Variants in ZMYM2 observed in about 807,000 individuals in gnomAD.
The protein encoded by ZMYM2 is zinc finger MYM-type protein 2.
In ZMYM2, 56 loss-of-function variants were observed where a neutral mutation model predicts 162.8. That is an observed-to-expected ratio of 0.34 (90% CI 0.28 to 0.43). The LOEUF (loss-of-function observed/expected upper bound fraction) is 0.43. Among genes scored for constraint, ZMYM2 ranks in the 20% least tolerant of loss-of-function variants. The pLI, the probability that ZMYM2 is intolerant of heterozygous loss-of-function variation, is 1.00. For synonymous variants in ZMYM2, 510 were observed against 541.6 expected (o/e 0.94, Z 0.81); for missense variants, 1,275 against 1,621.8 (o/e 0.79, Z 3.67).
the ZMYM2 span, among the ~76,000 whole-genome samples, chr13:19,929,186 A>G: frequency 6.6e-6 from 1 of 151,862 alleles, no homozygotes. Flanking sequence ...TTTCTTTCCA[A>G]TTTTTAATGT....
the ZMYM2 span, among the ~76,000 whole-genome samples, chr13:19,875,946 T>C: frequency 0.013 from 1,960 of 151,836 alleles, 21 homozygotes; most frequent in Non-Finnish European, 0.022. Context: ...ATATCCTAAA[T>C]GAAACAAACC....
chr13:20,017,280 T>C (rs1951706112), intron 6 of ZMYM2, among the ~76,000 whole-genome samples: 1 of 152,240 alleles, frequency 6.6e-6, no homozygotes, highest in African/African-American at 2.4e-5. Flanking sequence ...ATTGGCCTTT[T>C]CTTGTGTGAA....
At chr13:19,911,571 C>A in the ZMYM2 span, among the ~76,000 whole-genome samples, 1 of 152,156 alleles carries the variant, frequency 6.6e-6, no homozygotes, top group South Asian at 2.1e-4. Context: ...GTTTACTGGA[C>A]ACTGACTGTC....
chr13:20,055,067 G>A (rs1409386827), intron 14 of ZMYM2, among the ~76,000 whole-genome samples: 2 of 151,316 alleles, frequency 1.3e-5, no homozygotes, highest in African/African-American at 2.4e-5. Flanking sequence ...GAGTTTGAGA[G>A]CATACTTTTC....
intron 12 of ZMYM2, among the ~76,000 whole-genome samples, chr13:20,047,309 A>G (rs998417164): frequency 6.6e-6 from 1 of 152,196 alleles, no homozygotes; most frequent in South Asian, 2.1e-4. Flanking sequence ...CACTGTTGCC[A>G]TGGTATCATC....
At chr13:20,083,859 T>C in intron 24 of ZMYM2, 83 bp downstream of exon 24, 1 of 1,314,142 alleles carries the variant, frequency 7.6e-7, no homozygotes, top group Non-Finnish European at 1.1e-6. Flanking sequence ...AAGTGACTTT[T>C]TTAGATGGAT....
At position 20,064,458 on chromosome 13, in the gene ZMYM2, G is replaced by A; in HGVS notation, c.3045G>A (p.Glu1015=). 1.3e-6 allele frequency: 2 copies of A among 1,594,056 alleles called. No individual in the cohort carries two copies. The highest frequency in any genetic ancestry group is 1.1e-5 in the South Asian group (1 of 87,376). ...DIEIDFPRAA[E]ELDMENEFLL... is the part of the protein sequence containing the mutation. ...TTCTGATTTGGTTGTCAGCTGCTGA[G>A]GAGCTTGATATGGAAAATGAATTTT... The change falls in exon 19 of 25, where the codon GAG becomes GAA. Residue 1015 remains glutamate, a synonymous_variant. Coordinates refer to ENST00000610343, the MANE Select transcript of ZMYM2 (RefSeq NM_197968.4).
chr13:20,034,154 TTAAA>T (rs1195666293), intron 10 of ZMYM2, 96 bp from the exon 11 acceptor site: 1 of 1,116,474 alleles, frequency 9.0e-7, no homozygotes, highest in Non-Finnish European at 1.2e-6. Context: ...GGTCTTAACA[TTAAA>T]TAGGTAAATG....
intron 16 of ZMYM2, 120 bp downstream of exon 16, chr13:20,059,682 GA>G: frequency 1.9e-6 from 1 of 533,928 alleles, no homozygotes; most frequent in African/African-American, 3.5e-5. Context: ...ATATGTGGAT[GA>G]TTTTTTTTTT....
intron 21 of ZMYM2, among the ~76,000 whole-genome samples, chr13:20,076,302 T>C (rs1256235741): frequency 6.6e-6 from 1 of 150,548 alleles, no homozygotes; most frequent in Admixed American, 6.6e-5. Flanking sequence ...CAGTGTATAC[T>C]TTCCTTCCTC....
the ZMYM2 span, among the ~76,000 whole-genome samples, chr13:19,928,028 C>T: frequency 1.6e-3 from 240 of 152,062 alleles, no homozygotes; most frequent in African/African-American, 5.4e-3. Context: ...GTTTTAGAGA[C>T]AAGGTCTTGC....
intron 21 of ZMYM2, chr13:20,068,294 CCT>C (rs2140899320): frequency 5.6e-6 from 1 of 178,068 alleles, no homozygotes; most frequent in East Asian, 9.4e-5. Flanking sequence ...ATTCCACAAA[CCT>C]CTGAAAAGCA....
intron 2 of ZMYM2, among the ~76,000 whole-genome samples, chr13:19,987,851 A>G (rs190601585): frequency 2.1e-3 from 322 of 152,036 alleles, no homozygotes; most frequent in Non-Finnish European, 1.6e-3. Context: ...CCAGAGCTCA[A>G]TCTTCTTGCC....
At chr13:19,902,620 A>AAAC in the ZMYM2 span, among the ~76,000 whole-genome samples, 8 of 152,168 alleles carry the variant, frequency 5.3e-5, no homozygotes, top group African/African-American at 1.9e-4. Flanking sequence ...CTGTCTCAAA[A>AAAC]AAACAAACAA....
the ZMYM2 span, among the ~76,000 whole-genome samples, chr13:19,868,157 G>C: frequency 6.6e-6 from 1 of 152,120 alleles, no homozygotes; most frequent in Admixed American, 6.6e-5. Flanking sequence ...TATGCCCCCA[G>C]CTGCAATTCT....
the ZMYM2 span, among the ~76,000 whole-genome samples, chr13:19,930,535 A>T: frequency 6.7e-6 from 1 of 150,228 alleles, no homozygotes; most frequent in Non-Finnish European, 1.5e-5. Context: ...TGTCCCTCTT[A>T]TTTATCTATT....
chr13:19,987,821 G>C lies in ZMYM2; in HGVS notation c.-10-5242G>C, dbSNP rs375497470. Among the ~76,000 whole-genome samples the C allele has an allele frequency of 4.6e-5, 7 of 151,380 alleles. 1 individual carries two copies. The highest frequency in any genetic ancestry group is 1.3e-4 in the Admixed American group (2 of 15,198). On this transcript the variant is annotated intron_variant, in intron 2 of 24. Coordinates refer to ENST00000610343, the MANE Select transcript of ZMYM2 (RefSeq NM_197968.4). Reference sequence around the variant, plus strand: ...AGTAGAGACAGGGTTTCACCATGTTGTCCAGGCTGGGCTTGAACTCCAGAG... The same window carrying C: ...AGTAGAGACAGGGTTTCACCATGTTCTCCAGGCTGGGCTTGAACTCCAGAG...
the ZMYM2 span, among the ~76,000 whole-genome samples, chr13:19,868,509 C>A: frequency 1.3e-5 from 2 of 152,042 alleles, no homozygotes; most frequent in African/African-American, 4.8e-5. Context: ...CCATTGTTTT[C>A]TTTTAGTGGG....
chr13:19,892,133 A>G, the ZMYM2 span, among the ~76,000 whole-genome samples: 1 of 151,734 alleles, frequency 6.6e-6, no homozygotes, highest in Non-Finnish European at 1.5e-5. Flanking sequence ...TGTAGAAATG[A>G]AGTCTCCCTG....
Sources: allele counts gnomAD v4.1 joint callset (sites outside exome capture counted in the v4.1 genomes callset), GRCh38; gene constraint gnomAD v4.1.1; transcripts MANE v1.5; gene names NCBI Gene and HGNC (gene_info 2026-07-23, HGNC 2026-07-21).